Variants in VPS13A observed in about 807,000 individuals in gnomAD.
VPS13A encodes the protein intermembrane lipid transfer protein VPS13A.
A neutral mutation model predicts 390.9 loss-of-function variants in VPS13A; 264 were observed. That is an observed-to-expected ratio of 0.68 (90% CI 0.61 to 0.75). The LOEUF is 0.75. Among genes scored for constraint, VPS13A ranks in the 30% least tolerant of loss-of-function variants. VPS13A has a pLI of 0.00. For missense variants in VPS13A, 3,409 were observed against 3,733.9 expected (o/e 0.91, Z 2.27); for synonymous variants, 1,231 against 1,227.1 (o/e 1.00, Z -0.07).
intron 48 of VPS13A, 74 bp from the exon 49 acceptor site, chr9:77,340,104 A>C: frequency 6.9e-7 from 1 of 1,446,288 alleles, no homozygotes; most frequent in Non-Finnish European, 9.7e-7. Flanking sequence ...TATGCTAAAA[A>C]GTAATTTATC....
intron 19 of VPS13A, among the ~76,000 whole-genome samples, chr9:77,245,284 T>A (rs1333609197): frequency 6.6e-6 from 1 of 152,190 alleles, no homozygotes; most frequent in African/African-American, 2.4e-5. Flanking sequence ...AGAACTTAGA[T>A]TTGTAGAAGC....
chr9:77,383,656 T>G lies in VPS13A; in HGVS notation c.9189+1569T>G, dbSNP rs542613821. Among the ~76,000 whole-genome samples the G allele has an allele frequency of 6.6e-5, 10 of 152,116 alleles. No homozygotes were observed. In the East Asian group the frequency reaches 1.9e-3, roughly 29 times the overall value. On this transcript the variant is annotated intron_variant, in intron 68 of 71. Coordinates refer to ENST00000360280, the MANE Select transcript of VPS13A (RefSeq NM_033305.3). ...ATTTCTCATGGTTGATAATTTGATT[T>G]TAGTGAAGCTTCTCATTGTTTTCTG...
In VPS13A at chr9:77,295,808, T is replaced by C; in HGVS notation, c.3774T>C (p.Asp1258=). 1.2e-6 allele frequency: 2 copies of C among 1,614,018 alleles called. No individual in the cohort carries two copies. The highest frequency in any genetic ancestry group is 2.2e-5 in the South Asian group (2 of 91,088). The change falls in exon 33 of 72, where the codon GAT becomes GAC. Residue 1258 remains aspartate, a synonymous_variant. Transcript: ENST00000360280. ...AGAGCTCTCCCCCACCTGTTATTGATTTGATAACAATAAAGCTGAGTGAAA... is the reference window on the plus strand; with the variant it reads ...AGAGCTCTCCCCCACCTGTTATTGACTTGATAACAATAAAGCTGAGTGAAA... ...ESQSSPPPVI[D]LITIKLSEMR...
chr9:77,227,108 G>A (rs181971725), intron 15 of VPS13A, among the ~76,000 whole-genome samples: 43 of 152,254 alleles, frequency 2.8e-4, no homozygotes, highest in Admixed American at 2.6e-3. Flanking sequence ...TATACTAAAT[G>A]TGTTGATTAG....
At chr9:77,340,347 A>G in intron 49 of VPS13A, 57 bp from the exon 50 acceptor site, 1 of 1,600,996 alleles carries the variant, frequency 6.2e-7, no homozygotes. Context: ...TACTTAATTA[A>G]ATTTTATAAA....
chr9:77,344,234 T>C lies in VPS13A; in HGVS notation c.7108T>C (p.Tyr2370His), dbSNP rs1321760494. The C allele has an allele frequency of 4.3e-6, 7 of 1,613,548 alleles. No individual in the cohort carries two copies. The highest frequency in any genetic ancestry group is 5.9e-6 in the Non-Finnish European group (7 of 1,179,676). Residue 2370 changes from tyrosine to histidine, a missense_variant, in exon 51 of 72, where the codon TAT (tyrosine) becomes CAT (histidine). Physicochemically the swap from Tyr to His is moderately conservative, Grantham distance 83. Coordinates refer to ENST00000360280, the MANE Select transcript of VPS13A (RefSeq NM_033305.3). The stretch of plus-strand genomic sequence containing the variant: ...GAGTGAAGATCCTCCCAAAAGGATA[T>C]ATTTTAACAAGCAGGAAAATTGTAT... ...ERSEDPPKRIYFNKQENCILL... is the reference protein window; with the variant it reads ...ERSEDPPKRIHFNKQENCILL...
chr9:77,353,204 A>G, intron 53 of VPS13A, among the ~76,000 whole-genome samples: 1 of 152,168 alleles, frequency 6.6e-6, no homozygotes, highest in Middle Eastern at 3.4e-3. Context: ...ATGAGTAATA[A>G]TTTTATAACA....
intron 22 of VPS13A, 70 bp from the exon 23 acceptor site, chr9:77,260,014 AGT>A: frequency 1.0e-6 from 1 of 994,312 alleles, no homozygotes; most frequent in Non-Finnish European, 1.5e-6. Flanking sequence ...ATTTGAGAAC[AGT>A]CTTTTTAATT....
intron 13 of VPS13A, among the ~76,000 whole-genome samples, chr9:77,225,003 A>G (rs764252978): frequency 2.6e-5 from 4 of 152,204 alleles, no homozygotes; most frequent in Non-Finnish European, 4.4e-5. Flanking sequence ...GATGGCTCAG[A>G]TGATTGTTAG....
chr9:77,263,767 A>G (rs565164815), intron 23 of VPS13A, among the ~76,000 whole-genome samples: 1 of 152,162 alleles, frequency 6.6e-6, no homozygotes, highest in Non-Finnish European at 1.5e-5. Flanking sequence ...CCATTTGTCA[A>G]TTTTGGCTTT....
chr9:77,338,574 G>C (rs904853922), intron 47 of VPS13A: 1 of 152,156 alleles, frequency 6.6e-6, no homozygotes, highest in African/African-American at 2.4e-5. Flanking sequence ...ATTTGGTACA[G>C]TGCCTCCCAG....
chr9:77,191,671 T>C (rs899146771), intron 1 of VPS13A, among the ~76,000 whole-genome samples: 8 of 152,174 alleles, frequency 5.3e-5, no homozygotes, highest in African/African-American at 1.4e-4. Context: ...GTGGTTTAAT[T>C]TCCATGGAAT....
chr9:77,190,678 G>A (rs890935747), intron 1 of VPS13A, among the ~76,000 whole-genome samples: 4 of 152,088 alleles, frequency 2.6e-5, no homozygotes, highest in African/African-American at 4.8e-5. Flanking sequence ...TTATATGTCC[G>A]GTAGAATTTG....
intron 24 of VPS13A, 121 bp from the exon 25 acceptor site, chr9:77,275,377 T>C (rs1826591428): frequency 3.2e-6 from 3 of 952,220 alleles, no homozygotes; most frequent in Admixed American, 2.3e-5. Context: ...TCGGTTCTCA[T>C]GTTAATATTT....
Position 77,209,449 on chromosome 9 carries a change from A to C in VPS13A, c.412A>C (p.Thr138Pro), listed in dbSNP as rs1344363369. The C allele has an allele frequency of 6.2e-7, 1 of 1,612,718 alleles. No individual in the cohort carries two copies. The highest frequency in any genetic ancestry group is 1.1e-5 in the South Asian group (1 of 90,850). ...ACAACATCTGCCGGAAAAACAGGAC[A>C]CTTTTGCAGAAAAATTAGTTACACA... ...QEQHLPEKQD[T>P]FAEKLVTQII... is the part of the protein sequence containing the mutation. Residue 138 changes from threonine (T) to proline (P), a missense_variant, in exon 6 of 72, where the codon ACT becomes CCT. This residue lies in a region of VPS13A where 2,717 missense variants were observed against 2,917.4 expected (regional missense o/e 0.93). Transcript: ENST00000360280.
At chr9:77,374,795 A>G (rs187358476) in intron 67 of VPS13A, among the ~76,000 whole-genome samples, 50 of 152,304 alleles carry the variant, frequency 3.3e-4, no homozygotes, top group African/African-American at 1.1e-3. Flanking sequence ...AGAAATTTGT[A>G]ACACATATAA....
At chr9:77,309,291 G>C (rs1270754924) in intron 35 of VPS13A, among the ~76,000 whole-genome samples, 1 of 152,146 alleles carries the variant, frequency 6.6e-6, no homozygotes, top group Non-Finnish European at 1.5e-5. Flanking sequence ...GAATAAAAAA[G>C]CACAGGGATG....
chr9:77,384,855 A>C (rs773887488), intron 68 of VPS13A: 32 of 1,438,632 alleles, frequency 2.2e-5, no homozygotes, highest in Non-Finnish European at 2.9e-5. Context: ...CACAGAAAAA[A>C]ATGTATCTTA....
At position 77,201,367 on chromosome 9, in the gene VPS13A, T is replaced by A; in HGVS notation, c.147T>A (p.Ser49Arg). The change falls in exon 3 of 72, where the codon AGT (serine) becomes AGA (arginine). Residue 49 changes from serine (S) to arginine (R), a missense_variant and splice_region_variant. By Grantham distance (110) the Ser-to-Arg change is moderately radical. Around this residue, in one of 5 missense-constraint regions of VPS13A, gnomAD observed 2,717 missense variants for 2,917.4 expected, o/e 0.93. Coordinates refer to ENST00000360280, the MANE Select transcript of VPS13A (RefSeq NM_033305.3). ...KNLQIKENAL[S>R]QLDVPFKVKV... ...GTATATATAAATTTTTTCTGTAGAG[T>A]CAACTGGATGTACCATTTAAAGTTA... 2 of 1,607,114 alleles carry A rather than the reference T, an allele frequency of 1.2e-6. No homozygotes were observed. Among genetic ancestry groups the A allele is most frequent in the Non-Finnish European group, 1.7e-6 (2 of 1,173,978 alleles).
Sources: allele counts gnomAD v4.1 joint callset (sites outside exome capture counted in the v4.1 genomes callset), GRCh38; gene constraint gnomAD v4.1.1; regional missense constraint gnomAD v4.1.1; transcripts MANE v1.5; gene names NCBI Gene and HGNC (gene_info 2026-07-23, HGNC 2026-07-21).